Variants in BCR observed in about 807,000 individuals in gnomAD.
The protein encoded by BCR is breakpoint cluster region protein.
A neutral mutation model predicts 138.6 loss-of-function variants in BCR; 58 were observed. The ratio of observed to expected loss-of-function variants is 0.42; its 90% CI spans 0.34 to 0.52. The LOEUF is 0.52. Among genes scored for constraint, BCR ranks in the 20% least tolerant of loss-of-function variants. BCR has a pLI of 0.06. For missense variants in BCR, 1,599 were observed against 1,727.2 expected, an observed-to-expected ratio of 0.93 and a Z score of 1.32; for synonymous variants, 786 against 730.1, an observed-to-expected ratio of 1.08 and a Z score of -1.23.
intron 5 of BCR, among the ~76,000 whole-genome samples, chr22:23,270,593 AG>A (rs1373902212): frequency 6.6e-6 from 1 of 152,220 alleles, no homozygotes; most frequent in Non-Finnish European, 1.5e-5. Context: ...CTCTCAGGAA[AG>A]GTACCAAAGT....
chr22:23,303,574 G>T (rs1568982977), intron 16 of BCR, among the ~76,000 whole-genome samples: 1 of 152,384 alleles, frequency 6.6e-6, no homozygotes, highest in Admixed American at 6.5e-5. Flanking sequence ...TTGGAGAGGG[G>T]CAGGCCCCAG....
chr22:23,315,696 G>A lies in BCR; in HGVS notation c.*174G>A, dbSNP rs945649750. 23 of 711,426 alleles carry A rather than the reference G, an allele frequency of 3.2e-5. No individual in the cohort carries two copies. The highest frequency in any genetic ancestry group is 6.0e-5 in the South Asian group (4 of 66,946). 44.1% of individuals were successfully genotyped at this position (711,426 alleles called of 1,614,324 possible). A position where few individuals can be genotyped will look rare whatever the true frequency, so the allele number is the denominator to read the frequency against. On this transcript the variant is annotated 3_prime_UTR_variant, in exon 23 of 23. Coordinates refer to ENST00000305877, the MANE Select transcript of BCR (RefSeq NM_004327.4). ...AGGACAGGTGGCCTGGAAAGATCCCGCCCAGGTCTGGGAGCCCCAGGCTGG... is the reference window on the plus strand; with the variant it reads ...AGGACAGGTGGCCTGGAAAGATCCCACCCAGGTCTGGGAGCCCCAGGCTGG...
rs2072733151 is a variant in BCR, at chr22:23,214,868, G to A, written c.1279+32629G>A. Among the ~76,000 whole-genome samples, 4 of 152,082 alleles carry A rather than the reference G, an allele frequency of 2.6e-5. No homozygotes were observed. In the South Asian group the frequency reaches 8.3e-4, roughly 32 times the overall value. On this transcript the variant is annotated intron_variant, in intron 1 of 22. Transcript: ENST00000305877. ...TTCAGCCATTTTTAAGCATACGATC[G>A]ATGCATGACATTAACTACATTGATG...
intron 1 of BCR, among the ~76,000 whole-genome samples, chr22:23,194,890 A>G (rs181656483): frequency 0.012 from 1,786 of 152,254 alleles, 32 homozygotes; most frequent in African/African-American, 0.04. Flanking sequence ...GGAGCAAACT[A>G]TGATTGCACC....
rs577154930 is a variant in BCR, at chr22:23,315,588, G to A, written c.*66G>A. ...AAACCTCTGGCTAATCGGGCCATCC[G>A]TAGAGCGGGAACCTTCCTGAGGTGT... On this transcript the variant is annotated 3_prime_UTR_variant, in exon 23 of 23. Transcript: ENST00000305877. 222 of 1,488,666 alleles carry A rather than the reference G, an allele frequency of 1.5e-4. No homozygotes were observed. Among genetic ancestry groups the A allele is most frequent in the Non-Finnish European group, 1.9e-4 (204 of 1,072,004 alleles). The allele number at this position is 1,488,666 out of a possible 1,614,324, so 92.2% of individuals were successfully genotyped here.
chr22:23,288,009 G>A (rs2073737538), intron 11 of BCR, 88 bp from the exon 12 acceptor site: 26 of 1,284,766 alleles, frequency 2.0e-5, no homozygotes, highest in Non-Finnish European at 2.7e-5. Flanking sequence ...GGAGATACGA[G>A]TTGTGTGCTC....
rs553933870 is a variant in BCR at position 23,289,353 on chromosome 22, A to G, written c.2603-164A>G. ...CCACACCTCACTCTGCCGCCAGACC[A>G]GCACTGCACTTGAGAGCCAAGTGCC... On this transcript the variant is annotated intron_variant, in intron 12 of 22. Coordinates refer to ENST00000305877, the MANE Select transcript of BCR (RefSeq NM_004327.4). Among the ~76,000 whole-genome samples, 5 of 152,340 alleles carry G rather than the reference A, an allele frequency of 3.3e-5. 1 individual carries two copies. The highest frequency in any genetic ancestry group is 1.2e-4 in the African/African-American group (5 of 41,568).
At chr22:23,228,869 C>T (rs368689286) in intron 1 of BCR, among the ~76,000 whole-genome samples, 12 of 152,064 alleles carry the variant, frequency 7.9e-5, no homozygotes, top group African/African-American at 2.9e-4. Context: ...GGGTTCACTG[C>T]ATTTCTCGGG....
intron 1 of BCR, among the ~76,000 whole-genome samples, chr22:23,228,557 C>CTA (rs1218438618): frequency 1.3e-5 from 2 of 152,188 alleles, no homozygotes; most frequent in African/African-American, 2.4e-5. Context: ...CCTTATAGGG[C>CTA]TAAGTCTTAG....
chr22:23,191,520 TA>T (rs2072415091), intron 1 of BCR, among the ~76,000 whole-genome samples: 1 of 152,200 alleles, frequency 6.6e-6, no homozygotes, highest in Non-Finnish European at 1.5e-5. Context: ...TCTTTAACGG[TA>T]TATTTGCAGC....
intron 8 of BCR, among the ~76,000 whole-genome samples, chr22:23,275,384 C>G (rs1244846817): frequency 3.3e-5 from 5 of 152,232 alleles, no homozygotes; most frequent in African/African-American, 1.2e-4. Flanking sequence ...GAACATGGCC[C>G]CACCTCATCG....
At chr22:23,182,280 G>A (rs1317929067) in intron 1 of BCR, 41 bp downstream of exon 1, 2 of 1,492,468 alleles carry the variant, frequency 1.3e-6, no homozygotes, top group East Asian at 2.5e-5. Context: ...ACCTGCACGG[G>A]GGAGGAAAAC....
chr22:23,189,450 C>A (rs1392957982), intron 1 of BCR, among the ~76,000 whole-genome samples: 1 of 152,140 alleles, frequency 6.6e-6, no homozygotes, highest in African/African-American at 2.4e-5. Flanking sequence ...TTCACTCAAG[C>A]AGGGCTTTGA....
At chr22:23,285,489 C>T (rs1241910286) in intron 10 of BCR, among the ~76,000 whole-genome samples, 2 of 152,320 alleles carry the variant, frequency 1.3e-5, no homozygotes, top group African/African-American at 2.4e-5. Context: ...GCGCCTTTCA[C>T]GGGATACTTC....
chr22:23,267,668 C>T (rs1568964074), intron 4 of BCR, among the ~76,000 whole-genome samples: 2 of 152,198 alleles, frequency 1.3e-5, no homozygotes, highest in South Asian at 4.1e-4. Context: ...TGATTTTTCC[C>T]TCGCTGCCCA....
chr22:23,239,193 C>T (rs2073060067), intron 1 of BCR, among the ~76,000 whole-genome samples: 1 of 152,056 alleles, frequency 6.6e-6, no homozygotes, highest in Non-Finnish European at 1.5e-5. Context: ...TCTGAAAGTG[C>T]AGGGGCTGTG....
chr22:23,217,420 T>A (rs1375597654), intron 1 of BCR, among the ~76,000 whole-genome samples: 1 of 152,226 alleles, frequency 6.6e-6, no homozygotes, highest in East Asian at 1.9e-4. Flanking sequence ...TCTGGTGCTC[T>A]CTCTTCGCCT....
intron 1 of BCR, among the ~76,000 whole-genome samples, chr22:23,212,042 G>T (rs2072691071): frequency 6.6e-6 from 1 of 152,204 alleles, no homozygotes; most frequent in African/African-American, 2.4e-5. Context: ...TCCCATAAGG[G>T]TCTGAAGTGG....
At chr22:23,223,705 T>G (rs1185737855) in intron 1 of BCR, among the ~76,000 whole-genome samples, 1 of 152,122 alleles carries the variant, frequency 6.6e-6, no homozygotes, top group African/African-American at 2.4e-5. Flanking sequence ...AGGGTCCAGG[T>G]GAGTCTCCCA....
Sources: gnomAD v4.1 joint callset for allele counts (sites outside exome capture counted in the v4.1 genomes callset) on GRCh38, gnomAD v4.1.1 for gene constraint, MANE v1.5 for transcripts, NCBI Gene and HGNC (gene_info 2026-07-23, HGNC 2026-07-21) for gene names.